Variants in PIAS1 observed in about 807,000 individuals in gnomAD.
PIAS1 encodes the protein E3 SUMO-protein ligase PIAS1.
Under a neutral mutation model 71.3 loss-of-function variants are expected in PIAS1, and 6 were observed. The observed-to-expected ratio is 0.08, with a 90% CI of 0.05 to 0.17. PIAS1 has a LOEUF of 0.17. PIAS1 is among the 10% of genes least tolerant of loss of function. The probability of loss-of-function intolerance (pLI) is 1.00; values close to 1 mark genes in which losing one functional copy is unlikely to be tolerated. For missense variants in PIAS1, 555 were observed against 793.6 expected (o/e 0.70, Z 3.61); for synonymous variants, 303 against 292.9 (o/e 1.03, Z -0.35).
chr15:68,121,790 T>G (rs959352597), intron 2 of PIAS1, among the ~76,000 whole-genome samples: 1 of 152,136 alleles, frequency 6.6e-6, no homozygotes, highest in Non-Finnish European at 1.5e-5. Context: ...AGAAGCCCTA[T>G]TGAACGTATT....
In PIAS1 at chr15:68,119,237, C is replaced by CAAAAAAAAAAAAA. The variant is rs60879036; in HGVS notation, c.470-22694_470-22682dup. Among the ~76,000 whole-genome samples the CAAAAAAAAAAAAA allele has an allele frequency of 2.9e-3, 79 of 27,406 alleles. 28 individuals are homozygous for CAAAAAAAAAAAAA. The highest frequency in any genetic ancestry group is 8.8e-3 in the African/African-American group (61 of 6,902). The allele number at this position is 27,406 out of a possible 152,430, so 18.0% of individuals were successfully genotyped here. ...CAACATGGTGAAACCCCATCTCTAC[C>CAAAAAAAAAAAAA]AAAAAAAAAAAAAAAAAAAAAAAAA... On this transcript the variant is annotated intron_variant, in intron 2 of 13. Coordinates refer to ENST00000249636, the MANE Select transcript of PIAS1 (RefSeq NM_016166.3).
chr15:68,175,228 C>T (rs1193815186), intron 9 of PIAS1, among the ~76,000 whole-genome samples: 9 of 151,948 alleles, frequency 5.9e-5, no homozygotes, highest in Non-Finnish European at 1.5e-5. Flanking sequence ...GAGATTTAAC[C>T]TTTGATTACA....
intron 2 of PIAS1, among the ~76,000 whole-genome samples, chr15:68,123,979 AAT>A (rs894368427): frequency 6.5e-4 from 7 of 10,808 alleles, no homozygotes; most frequent in Non-Finnish European, 1.3e-3. Context: ...CATATGTGTG[AAT>A]ATACACACAC....
At chr15:68,147,007 C>T (rs1001460296) in intron 6 of PIAS1, among the ~76,000 whole-genome samples, 15 of 152,090 alleles carry the variant, frequency 9.9e-5, no homozygotes, top group African/African-American at 3.6e-4. Flanking sequence ...TGCCTGTTCC[C>T]TACTATTGAG....
rs766344324 is a variant in PIAS1 at position 68,179,564 on chromosome 15, C to CTTTTTTTTTTTTTTTTTT, written c.1482-1637_1482-1620dup. Among the ~76,000 whole-genome samples, 244 of 40,104 alleles carry CTTTTTTTTTTTTTTTTTT rather than the reference C, an allele frequency of 6.1e-3. 83 individuals are homozygous for CTTTTTTTTTTTTTTTTTT. Among genetic ancestry groups the CTTTTTTTTTTTTTTTTTT allele is most frequent in the East Asian group, 0.02 (20 of 998 alleles). 26.3% of individuals were successfully genotyped at this position (40,104 alleles called of 152,430 possible). ...CAACCTTGTCATCTCGTGAAATGTT[C>CTTTTTTTTTTTTTTTTTT]TTTTTTTTTTTTTTTTTTTTTTTTT... On this transcript the variant is annotated intron_variant, in intron 11 of 13. Transcript: ENST00000249636.
intron 1 of PIAS1, among the ~76,000 whole-genome samples, chr15:68,077,483 G>A (rs181006319): frequency 2.6e-5 from 4 of 152,296 alleles, no homozygotes; most frequent in South Asian, 2.1e-4. Context: ...AAATTTTAGA[G>A]CCATTGGGCG....
At chr15:68,075,586 A>G (rs1030301250) in intron 1 of PIAS1, among the ~76,000 whole-genome samples, 1 of 152,194 alleles carries the variant, frequency 6.6e-6, no homozygotes, top group Non-Finnish European at 1.5e-5. Context: ...TCTTATCTGT[A>G]ACTAGTAGAA....
At chr15:68,066,736 A>T (rs1223298789) in intron 1 of PIAS1, among the ~76,000 whole-genome samples, 1 of 152,206 alleles carries the variant, frequency 6.6e-6, no homozygotes, top group Non-Finnish European at 1.5e-5. Context: ...TTTTTGTCCC[A>T]GAAGTTATTC....
At chr15:68,098,269 C>T (rs1283464635) in intron 2 of PIAS1, among the ~76,000 whole-genome samples, 1 of 152,136 alleles carries the variant, frequency 6.6e-6, no homozygotes, top group African/African-American at 2.4e-5. Flanking sequence ...GTATTGTGTA[C>T]TGTATTCTTA....
intron 7 of PIAS1, among the ~76,000 whole-genome samples, chr15:68,162,793 C>T (rs985486888): frequency 6.6e-6 from 1 of 152,186 alleles, no homozygotes; most frequent in East Asian, 1.9e-4. Context: ...CCAGACTGGT[C>T]TCAAACTCCT....
chr15:68,099,317 T>G (rs1250561945), intron 2 of PIAS1, among the ~76,000 whole-genome samples: 1 of 151,532 alleles, frequency 6.6e-6, no homozygotes, highest in East Asian at 1.9e-4. Context: ...AATTTGGTGG[T>G]TGGGCTTTTT....
chr15:68,119,897 C>G (rs1326494460), intron 2 of PIAS1, among the ~76,000 whole-genome samples: 1 of 152,224 alleles, frequency 6.6e-6, no homozygotes. Context: ...TACAGTGACT[C>G]TCTCTATCCC....
chr15:68,148,786 C>T (rs1036255931), intron 6 of PIAS1, among the ~76,000 whole-genome samples: 2 of 152,204 alleles, frequency 1.3e-5, no homozygotes, highest in Non-Finnish European at 2.9e-5. Flanking sequence ...GAAAAGATCA[C>T]TCCTTGGAGT....
At chr15:68,140,408 T>C (rs1251258541) in intron 2 of PIAS1, among the ~76,000 whole-genome samples, 5 of 152,228 alleles carry the variant, frequency 3.3e-5, no homozygotes, top group African/African-American at 1.2e-4. Flanking sequence ...GTTAGTTACT[T>C]GCATTGCCTG....
chr15:68,060,668 A>G (rs915044146), intron 1 of PIAS1, among the ~76,000 whole-genome samples: 3 of 152,222 alleles, frequency 2.0e-5, no homozygotes, highest in African/African-American at 4.8e-5. Flanking sequence ...GAACATTAAT[A>G]TAGAGAAAAT....
chr15:68,112,204 A>C (rs915589038), intron 2 of PIAS1, among the ~76,000 whole-genome samples: 4 of 152,186 alleles, frequency 2.6e-5, no homozygotes, highest in Non-Finnish European at 4.4e-5. Context: ...CTACACTTGC[A>C]CATTAGATCC....
At chr15:68,126,602 C>A (rs887852255) in intron 2 of PIAS1, among the ~76,000 whole-genome samples, 1 of 152,040 alleles carries the variant, frequency 6.6e-6, no homozygotes, top group Non-Finnish European at 1.5e-5. Context: ...CCCACCACGC[C>A]CAGCCAATTT....
intron 1 of PIAS1, among the ~76,000 whole-genome samples, chr15:68,061,993 G>A (rs1047407219): frequency 6.6e-6 from 1 of 152,202 alleles, no homozygotes; most frequent in Non-Finnish European, 1.5e-5. Context: ...TAATATACAT[G>A]TGTCAGATGA....
rs367669520 is a variant in PIAS1, at chr15:68,189,737, TGA to T, written c.*1904_*1905del. 2.7e-4 allele frequency: 41 copies of T among 152,266 alleles called. No homozygotes were observed. In the East Asian group the frequency reaches 3.5e-3, roughly 13 times the overall value. The allele number at this position is 152,266 out of a possible 1,614,324, so 9.4% of individuals were successfully genotyped here. Reference sequence around the variant, plus strand: ...CATGTGTATTCCACACACAAATGGCTGAGTTATAGTCATAAAACAATTTGCAA... The same window carrying T: ...CATGTGTATTCCACACACAAATGGCTGTTATAGTCATAAAACAATTTGCAA... On this transcript the variant is annotated 3_prime_UTR_variant, in exon 14 of 14. Transcript: ENST00000249636.
Sources: allele counts gnomAD v4.1 joint callset (sites outside exome capture counted in the v4.1 genomes callset), GRCh38; gene constraint gnomAD v4.1.1; transcripts MANE v1.5; gene names NCBI Gene and HGNC (gene_info 2026-07-23, HGNC 2026-07-21).